The following STXBP6 variants were observed in gnomAD, a reference collection of about 807,000 sequenced individuals.
STXBP6 encodes syntaxin binding protein 6.
A neutral mutation model predicts 26.9 loss-of-function variants in STXBP6; 21 were observed. The ratio of observed to expected loss-of-function variants is 0.78; its 90% CI spans 0.55 to 1.12. STXBP6 has a LOEUF of 1.12. Among genes scored for constraint, STXBP6 ranks in the 50% most tolerant of loss-of-function variants. STXBP6 has a pLI of 0.00. For missense variants in STXBP6, 232 were observed against 257.9 expected (o/e 0.90, Z 0.69); for synonymous variants, 97 against 92.6 (o/e 1.05, Z -0.27).
chr14:24,899,404 T>C (rs2071119860), intron 2 of STXBP6, among the ~76,000 whole-genome samples: 1 of 152,142 alleles, frequency 6.6e-6, no homozygotes, highest in Non-Finnish European at 1.5e-5. Context: ...TTAGGAGTGC[T>C]TTTTTCCTTC....
intron 2 of STXBP6, among the ~76,000 whole-genome samples, chr14:24,897,410 AAAAAAAAAAAAAAAAAAGG>A (rs2071034448): frequency 2.3e-5 from 2 of 88,264 alleles, no homozygotes; most frequent in Middle Eastern, 5.5e-3. Context: ...ACTCTGTCTC[AAAAAAAAAAAAAAAAAAGG>A]AAAAAAAAAA....
intron 1 of STXBP6, among the ~76,000 whole-genome samples, chr14:24,996,644 C>T (rs2074609534): frequency 6.6e-6 from 1 of 151,476 alleles, no homozygotes. Context: ...CTGAGGTCGC[C>T]AGTTTGAGAC....
chr14:24,960,012 T>G (rs2073476300), intron 2 of STXBP6, among the ~76,000 whole-genome samples: 1 of 152,210 alleles, frequency 6.6e-6, no homozygotes, highest in Non-Finnish European at 1.5e-5. Context: ...CTCAGCCAGA[T>G]TTCAGGTTCC....
rs541950685 is a variant in STXBP6, at chr14:24,931,729, G to A, written c.154+42936C>T. ...AGGGCAATGAAATCCAAGATCCAAT[G>A]CACATTACCCAAGGCTGGATAATGT... is the stretch of plus-strand genomic sequence containing the variant. On this transcript the variant is annotated intron_variant, in intron 2 of 5. Coordinates refer to ENST00000323944, the MANE Select transcript of STXBP6 (RefSeq NM_001394410.1). Among the ~76,000 whole-genome samples the A allele has an allele frequency of 2.0e-5, 3 of 152,262 alleles. No individual in the cohort carries two copies. The East Asian group carries it at 5.8e-4, about 29-fold the overall frequency.
At chr14:25,042,068 G>A (rs1275460416) in intron 1 of STXBP6, among the ~76,000 whole-genome samples, 1 of 152,130 alleles carries the variant, frequency 6.6e-6, no homozygotes. Context: ...TGTACGTATT[G>A]TTTCCCAGAA....
chr14:25,024,084 C>T (rs148275936), intron 1 of STXBP6, among the ~76,000 whole-genome samples: 2 of 152,052 alleles, frequency 1.3e-5, no homozygotes, highest in East Asian at 1.9e-4. Flanking sequence ...CCGAGGTGGG[C>T]AGATCACAAG....
chr14:24,814,156 T>C (rs2067902420), intron 5 of STXBP6, among the ~76,000 whole-genome samples: 2 of 152,140 alleles, frequency 1.3e-5, no homozygotes, highest in Non-Finnish European at 2.9e-5. Context: ...GTGATGTGGG[T>C]TCTTGCCAAG....
intron 4 of STXBP6, among the ~76,000 whole-genome samples, chr14:24,850,148 T>G (rs2069098492): frequency 6.6e-6 from 1 of 152,122 alleles, no homozygotes; most frequent in South Asian, 2.1e-4. Flanking sequence ...GGTGAAATAG[T>G]TGCACACCTC....
At chr14:24,968,190 T>TAA (rs1031965586) in intron 2 of STXBP6, among the ~76,000 whole-genome samples, 3 of 147,432 alleles carry the variant, frequency 2.0e-5, no homozygotes, top group Non-Finnish European at 4.5e-5. Context: ...TATATATATA[T>TAA]AAAATTATTG....
At chr14:24,844,911 G>A (rs2068903019) in intron 4 of STXBP6, among the ~76,000 whole-genome samples, 1 of 152,094 alleles carries the variant, frequency 6.6e-6, no homozygotes, top group Non-Finnish European at 1.5e-5. Flanking sequence ...ATTTACAAGT[G>A]GGGCATTATG....
rs75835878 is a variant in STXBP6, at chr14:25,040,098, C to T, written c.-33+9780G>A. On this transcript the variant is annotated intron_variant, in intron 1 of 5. Coordinates refer to ENST00000323944, the MANE Select transcript of STXBP6 (RefSeq NM_001394410.1). Reference sequence around the variant, plus strand: ...CTGGGGCATATGGTGACCTGACAAACTCAGAGGCCTAGGGCTAGAGGTCAC... The same window carrying T: ...CTGGGGCATATGGTGACCTGACAAATTCAGAGGCCTAGGGCTAGAGGTCAC... Among the ~76,000 whole-genome samples the T allele has an allele frequency of 5.8e-3, 885 of 152,314 alleles. 11 individuals are homozygous for T. Among genetic ancestry groups the T allele is most frequent in the African/African-American group, 0.02 (846 of 41,574 alleles).
intron 2 of STXBP6, among the ~76,000 whole-genome samples, chr14:24,962,290 TA>T (rs869047211): frequency 0.019 from 92 of 4,790 alleles, 1 homozygote; most frequent in Admixed American, 0.024. Context: ...CAAGATATTT[TA>T]TTTATTTATT....
chr14:24,885,294 A>G (rs1020041653), intron 2 of STXBP6, among the ~76,000 whole-genome samples: 2 of 152,194 alleles, frequency 1.3e-5, no homozygotes, highest in Non-Finnish European at 2.9e-5. Context: ...AGGTGTTGCC[A>G]AAAAAGCCAG....
chr14:24,884,094 G>T lies in STXBP6; in HGVS notation c.155-26937C>A, dbSNP rs571199419. Among the ~76,000 whole-genome samples, 5 of 151,914 alleles carry T rather than the reference G, an allele frequency of 3.3e-5. No individual in the cohort carries two copies. In the South Asian group the frequency reaches 1.0e-3, roughly 32 times the overall value. ...AGCTATCTCTGCCAAAAAAAAAGGT[G>T]GGGGGGCACATCTTATTCAGAAGAC... On this transcript the variant is annotated intron_variant, in intron 2 of 5. Transcript: ENST00000323944.
intron 4 of STXBP6, among the ~76,000 whole-genome samples, chr14:24,828,031 CTTT>C (rs34177461): frequency 6.9e-6 from 1 of 145,380 alleles, no homozygotes; most frequent in African/African-American, 2.5e-5. Context: ...AGCAGTAGCA[CTTT>C]TTTTTTTTTT....
intron 1 of STXBP6, among the ~76,000 whole-genome samples, chr14:25,023,427 T>C (rs965066972): frequency 1.2e-4 from 18 of 152,332 alleles, no homozygotes; most frequent in Middle Eastern, 3.4e-3. Context: ...CCATTTTCCA[T>C]CTCTTCCCAA....
intron 2 of STXBP6, among the ~76,000 whole-genome samples, chr14:24,870,785 C>A (rs2069900784): frequency 6.6e-6 from 1 of 152,184 alleles, no homozygotes; most frequent in Non-Finnish European, 1.5e-5. Flanking sequence ...TCACCACCAC[C>A]TGTGTGGTCC....
chr14:24,936,592 T>A (rs2072607957), intron 2 of STXBP6, among the ~76,000 whole-genome samples: 1 of 152,218 alleles, frequency 6.6e-6, no homozygotes, highest in Non-Finnish European at 1.5e-5. Context: ...ACAGGCACTA[T>A]TATTTGTGTA....
At chr14:24,817,661 A>C (rs1414588214) in intron 5 of STXBP6, 1 of 167,174 alleles carries the variant, frequency 6.0e-6, no homozygotes, top group Non-Finnish European at 1.3e-5. Context: ...CCATGTCATC[A>C]TTATCTCTGT....
Sources: gnomAD v4.1 joint callset for allele counts (sites outside exome capture counted in the v4.1 genomes callset) on GRCh38, gnomAD v4.1.1 for gene constraint, MANE v1.5 for transcripts, NCBI Gene and HGNC (gene_info 2026-07-23, HGNC 2026-07-21) for gene names.